Variants in KCND2 observed in about 807,000 individuals in gnomAD.
The protein encoded by KCND2 is A-type voltage-gated potassium channel KCND2.
Under a neutral mutation model 54.4 loss-of-function variants are expected in KCND2, and 16 were observed. The observed-to-expected ratio is 0.29, with a 90% CI of 0.20 to 0.45. KCND2 has a LOEUF of 0.45. Ranked by LOEUF, KCND2 falls within the 20% of genes least tolerant of loss-of-function variation. The pLI, the probability that KCND2 is intolerant of heterozygous loss-of-function variation, is 1.00. For synonymous variants in KCND2, 317 were observed against 310.7 expected (o/e 1.02, Z -0.21); for missense variants, 486 against 824.2 (o/e 0.59, Z 5.02).
intron 1 of KCND2, among the ~76,000 whole-genome samples, chr7:120,514,131 C>T (rs981067144): frequency 6.6e-6 from 1 of 151,968 alleles, no homozygotes; most frequent in Non-Finnish European, 1.5e-5. Flanking sequence ...CCTACTAATG[C>T]TTACAAGGTA....
chr7:120,599,752 G>A (rs768807779), intron 1 of KCND2, among the ~76,000 whole-genome samples: 4 of 151,528 alleles, frequency 2.6e-5, no homozygotes, highest in African/African-American at 9.7e-5. Context: ...CTGTGAATAC[G>A]GGCTATTTTA....
intron 1 of KCND2, among the ~76,000 whole-genome samples, chr7:120,407,635 A>G (rs1024614591): frequency 1.3e-5 from 2 of 151,960 alleles, no homozygotes; most frequent in East Asian, 1.9e-4. Flanking sequence ...TATAATGCAT[A>G]TAAAGCATGT....
intron 1 of KCND2, among the ~76,000 whole-genome samples, chr7:120,697,381 T>A (rs1434838329): frequency 6.6e-6 from 1 of 151,498 alleles, no homozygotes; most frequent in Admixed American, 6.6e-5. Context: ...TATGTGAAGA[T>A]TTTTTTTATT....
At chr7:120,351,410 ACACTCT>A (rs1429666283) in intron 1 of KCND2, among the ~76,000 whole-genome samples, 11 of 96,108 alleles carry the variant, frequency 1.1e-4, no homozygotes, top group Admixed American at 2.4e-4. Context: ...ACACACACAC[ACACTCT>A]CTCTCTCTCT....
At position 120,338,442 on chromosome 7, in the gene KCND2, T is replaced by G. The variant is rs116713309; in HGVS notation, c.1115+62695T>G. 8.4e-3 allele frequency among the ~76,000 whole-genome samples: 1,281 copies of G among 152,164 alleles called. 12 individuals carry two copies. Among genetic ancestry groups the G allele is most frequent in the African/African-American group, 0.029 (1,208 of 41,546 alleles). On this transcript the variant is annotated intron_variant, in intron 1 of 5. Transcript: ENST00000331113. ...TTGTTTTTTATCTAAATATCGTATG[T>G]TTTTGCTTCCATTCTTCAACTATTT...
chr7:120,421,494 A>T lies in KCND2; in HGVS notation c.1115+145747A>T, dbSNP rs552484280. On this transcript the variant is annotated intron_variant, in intron 1 of 5. Coordinates refer to ENST00000331113, the MANE Select transcript of KCND2 (RefSeq NM_012281.3). ...ACATGAACACATTCATTGCAGTGCTATTTTGAAGACAGAATGAGAAAGGCA... is the reference window on the plus strand; with the variant it reads ...ACATGAACACATTCATTGCAGTGCTTTTTTGAAGACAGAATGAGAAAGGCA... 2.0e-5 allele frequency among the ~76,000 whole-genome samples: 3 copies of T among 152,328 alleles called. No individual in the cohort carries two copies. In the South Asian group the frequency reaches 6.2e-4, roughly 32 times the overall value.
chr7:120,661,778 T>C (rs772708969), intron 1 of KCND2, among the ~76,000 whole-genome samples: 1 of 152,206 alleles, frequency 6.6e-6, no homozygotes, highest in Non-Finnish European at 1.5e-5. Context: ...TAACCTACTC[T>C]GTGAGTGGCC....
intron 1 of KCND2, among the ~76,000 whole-genome samples, chr7:120,551,520 T>C (rs1222111690): frequency 6.6e-6 from 1 of 152,074 alleles, no homozygotes; most frequent in African/African-American, 2.4e-5. Context: ...TGAGTCAGGG[T>C]TTTTCATGAA....
At chr7:120,388,892 A>G (rs561522675) in intron 1 of KCND2, among the ~76,000 whole-genome samples, 15 of 149,186 alleles carry the variant, frequency 1.0e-4, no homozygotes, top group African/African-American at 3.4e-4. Context: ...ATATACATGT[A>G]TATATATATA....
chr7:120,603,082 G>A (rs545703682), intron 1 of KCND2, among the ~76,000 whole-genome samples: 1 of 152,180 alleles, frequency 6.6e-6, no homozygotes, highest in Admixed American at 6.5e-5. Flanking sequence ...ACAAGTAAAC[G>A]GAATGAAAAG....
At chr7:120,514,058 G>A (rs1324534016) in intron 1 of KCND2, among the ~76,000 whole-genome samples, 1 of 152,036 alleles carries the variant, frequency 6.6e-6, no homozygotes, top group African/African-American at 2.4e-5. Flanking sequence ...TTCCATTGAG[G>A]TCAATGGGAT....
rs1168044122 is a variant in KCND2 at position 120,426,588 on chromosome 7, GT to G, written c.1115+150860del. Among the ~76,000 whole-genome samples, 484 of 96,602 alleles carry G rather than the reference GT, an allele frequency of 5.0e-3. 1 individual carries two copies. The highest frequency in any genetic ancestry group is 0.011 in the African/African-American group (267 of 25,422). The allele number at this position is 96,602 out of a possible 152,430, so 63.4% of individuals were successfully genotyped here. A position where few individuals can be genotyped will look rare whatever the true frequency, so the allele number is the denominator to read the frequency against. ...TACGTTTTTTGTGGGGTTTTTCTTTGTTTTTTTTTTTTTTTTTTTGAGATGG... is the reference window on the plus strand; with the variant it reads ...TACGTTTTTTGTGGGGTTTTTCTTTGTTTTTTTTTTTTTTTTTTGAGATGG... On this transcript the variant is annotated intron_variant, in intron 1 of 5. Transcript: ENST00000331113.
chr7:120,601,300 T>C lies in KCND2; in HGVS notation c.1116-131603T>C, dbSNP rs146398845. Among the ~76,000 whole-genome samples the C allele has an allele frequency of 4.9e-3, 745 of 152,248 alleles. 8 individuals carry two copies. Among genetic ancestry groups the C allele is most frequent in the African/African-American group, 0.017 (706 of 41,538 alleles). On this transcript the variant is annotated intron_variant, in intron 1 of 5. Transcript: ENST00000331113. ...CCCCAGAATGCACTAACATGCTTGA[T>C]GCTGCAGTGATAGAACTCTTAAAAA...
At chr7:120,313,141 T>G (rs750042570) in intron 1 of KCND2, among the ~76,000 whole-genome samples, 21 of 152,182 alleles carry the variant, frequency 1.4e-4, no homozygotes, top group Admixed American at 5.2e-4. Context: ...CTTTCATTTT[T>G]CTTTGTGATC....
At chr7:120,293,389 GAAGA>G (rs1799464580) in intron 1 of KCND2, among the ~76,000 whole-genome samples, 3 of 151,964 alleles carry the variant, frequency 2.0e-5, no homozygotes. Flanking sequence ...AGAAGAGAAG[GAAGA>G]CTCTATAACA....
intron 1 of KCND2, among the ~76,000 whole-genome samples, chr7:120,695,627 T>G (rs991219065): frequency 6.6e-6 from 1 of 152,154 alleles, no homozygotes; most frequent in African/African-American, 2.4e-5. Flanking sequence ...AAATAGCAAA[T>G]GCATATGTGA....
chr7:120,371,628 C>T (rs529557980), intron 1 of KCND2, among the ~76,000 whole-genome samples: 5 of 152,004 alleles, frequency 3.3e-5, no homozygotes, highest in Admixed American at 6.6e-5. Context: ...GAGCAACTTC[C>T]GGTTCTGCAG....
intron 1 of KCND2, among the ~76,000 whole-genome samples, chr7:120,622,354 G>A (rs1793109486): frequency 6.6e-6 from 1 of 152,198 alleles, no homozygotes; most frequent in African/African-American, 2.4e-5. Context: ...TTTTACGAGA[G>A]GGAGCCTACT....
chr7:120,415,247 T>C (rs1039890894), intron 1 of KCND2, among the ~76,000 whole-genome samples: 3 of 152,110 alleles, frequency 2.0e-5, no homozygotes, highest in African/African-American at 7.2e-5. Context: ...ATTACTCCCT[T>C]CATTCTGAAA....
Sources: gnomAD v4.1 joint callset for allele counts (sites outside exome capture counted in the v4.1 genomes callset) on GRCh38, gnomAD v4.1.1 for gene constraint, MANE v1.5 for transcripts, NCBI Gene and HGNC (gene_info 2026-07-23, HGNC 2026-07-21) for gene names.